Variants in PIP5K1B observed in about 807,000 individuals in gnomAD.
PIP5K1B encodes phosphatidylinositol-4-phosphate 5-kinase type 1 beta, also known as phosphatidylinositol 4-phosphate 5-kinase type-1 beta.
In PIP5K1B, 42 loss-of-function variants were observed where a neutral mutation model predicts 67.0. The ratio of observed to expected loss-of-function variants is 0.63; its 90% CI spans 0.49 to 0.81. The LOEUF is 0.81. PIP5K1B is among the 30% of genes least tolerant of loss of function. The pLI is 0.00. For synonymous variants in PIP5K1B, 214 were observed against 231.4 expected (o/e 0.92, Z 0.68); for missense variants, 459 against 646.3 (o/e 0.71, Z 3.14).
At chr9:68,951,883 G>A (rs1353942569) in intron 14 of PIP5K1B, among the ~76,000 whole-genome samples, 4 of 152,078 alleles carry the variant, frequency 2.6e-5, no homozygotes, top group Non-Finnish European at 5.9e-5. Context: ...AATTACTTTG[G>A]TTTTTCTAAA....
intron 2 of PIP5K1B, among the ~76,000 whole-genome samples, chr9:68,790,768 C>A (rs888508425): frequency 1.3e-5 from 2 of 152,140 alleles, no homozygotes; most frequent in East Asian, 3.8e-4. Context: ...TATGCATATA[C>A]CTATGTAGGT....
intron 1 of PIP5K1B, among the ~76,000 whole-genome samples, chr9:68,740,246 G>A (rs1031463815): frequency 3.3e-5 from 5 of 152,214 alleles, no homozygotes; most frequent in Admixed American, 6.6e-5. Flanking sequence ...TAGATGTTGC[G>A]TAGCTCCTAA....
chr9:68,987,913 T>C (rs1048751361), intron 14 of PIP5K1B, among the ~76,000 whole-genome samples: 1 of 152,176 alleles, frequency 6.6e-6, no homozygotes, highest in Non-Finnish European at 1.5e-5. Context: ...ATGGGAATTA[T>C]GAGATTACAA....
chr9:68,994,036 A>ATT (rs1830497974), intron 15 of PIP5K1B, among the ~76,000 whole-genome samples: 1 of 93,848 alleles, frequency 1.1e-5, no homozygotes, highest in Non-Finnish European at 2.4e-5. Flanking sequence ...TTTTTTCCTG[A>ATT]ATTTTTTTTT....
intron 14 of PIP5K1B, among the ~76,000 whole-genome samples, chr9:68,988,349 T>C (rs917094225): frequency 1.1e-4 from 16 of 150,620 alleles, no homozygotes; most frequent in African/African-American, 3.9e-4. Flanking sequence ...ATATATTTGA[T>C]ATATATTAAT....
At chr9:68,780,087 CGGCGGCG>C in intron 2 of PIP5K1B, 3 of 1,411,326 alleles carry the variant, frequency 2.1e-6, no homozygotes, top group South Asian at 1.7e-5. Context: ...GCGGCGGCAG[CGGCGGCG>C]GCCCTGGACT....
intron 2 of PIP5K1B, among the ~76,000 whole-genome samples, chr9:68,801,385 G>C (rs12338345): frequency 6.6e-6 from 1 of 152,024 alleles, no homozygotes; most frequent in African/African-American, 2.4e-5. Flanking sequence ...ATTTCTTTCA[G>C]TTGGGCTGAA....
At chr9:68,862,336 G>A (rs1823131209) in intron 4 of PIP5K1B, among the ~76,000 whole-genome samples, 1 of 152,172 alleles carries the variant, frequency 6.6e-6, no homozygotes, top group African/African-American at 2.4e-5. Context: ...AAAAGAATCT[G>A]CGAGCCATCT....
chr9:68,770,522 G>C (rs1264138946), intron 2 of PIP5K1B, among the ~76,000 whole-genome samples: 1 of 152,204 alleles, frequency 6.6e-6, no homozygotes, highest in African/African-American at 2.4e-5. Context: ...CTCAAAAGAA[G>C]TGGACTGGTA....
intron 6 of PIP5K1B, among the ~76,000 whole-genome samples, chr9:68,880,556 A>AACACACACACACAC (rs35017818): frequency 8.4e-6 from 1 of 118,590 alleles, no homozygotes; most frequent in Admixed American, 8.6e-5. Context: ...CTGCATCTGA[A>AACACACACACACAC]ACACACACAC....
chr9:68,707,571 T>C (rs542080668), intron 1 of PIP5K1B: 1 of 152,366 alleles, frequency 6.6e-6, no homozygotes, highest in East Asian at 1.9e-4. Flanking sequence ...GTCTGCATAG[T>C]CTCACTGTAA....
In PIP5K1B at chr9:68,822,648, C is replaced by T; in HGVS notation, c.34C>T (p.Pro12Ser). The T allele has an allele frequency of 6.2e-7, 1 of 1,613,192 alleles. No individual in the cohort carries two copies. The highest frequency in any genetic ancestry group is 8.5e-7 in the Non-Finnish European group (1 of 1,179,506). The change falls in exon 4 of 16, where the codon CCT becomes TCT. Residue 12 changes from proline to serine, a missense_variant. By Grantham distance (74) the Pro-to-Ser change is moderately conservative. Coordinates refer to ENST00000265382, the MANE Select transcript of PIP5K1B (RefSeq NM_003558.4). ...SSAAENGEAA[P>S]GKQNEEKTYK... Reference sequence around the variant, plus strand: ...TGCTGCTGAAAATGGAGAGGCAGCACCTGGAAAACAAAATGAAGAAAAAAC... The same window carrying T: ...TGCTGCTGAAAATGGAGAGGCAGCATCTGGAAAACAAAATGAAGAAAAAAC...
chr9:68,774,571 T>C (rs1256775240), intron 2 of PIP5K1B, among the ~76,000 whole-genome samples: 1 of 152,208 alleles, frequency 6.6e-6, no homozygotes, highest in Non-Finnish European at 1.5e-5. Context: ...TTTCAAATAG[T>C]TTGATAATGT....
intron 12 of PIP5K1B, among the ~76,000 whole-genome samples, chr9:68,924,110 TAAAAA>T (rs71500336): frequency 1.6e-5 from 2 of 125,852 alleles, no homozygotes; most frequent in African/African-American, 5.9e-5. Context: ...CTCTTACCTT[TAAAAA>T]AAAAAAAAAA....
chr9:68,780,100 G>A (rs1308965772), intron 2 of PIP5K1B: 6 of 1,470,746 alleles, frequency 4.1e-6, no homozygotes, highest in South Asian at 1.5e-5. Context: ...CGGCGGCCCT[G>A]GACTGCGGGG....
chr9:68,796,686 G>T (rs1832313055), intron 2 of PIP5K1B, among the ~76,000 whole-genome samples: 1 of 152,162 alleles, frequency 6.6e-6, no homozygotes, highest in Admixed American at 6.5e-5. Flanking sequence ...GAGGTTGCCA[G>T]GAAGTCAGTG....
At chr9:68,833,284 C>T (rs146880229) in intron 4 of PIP5K1B, among the ~76,000 whole-genome samples, 1 of 152,294 alleles carries the variant, frequency 6.6e-6, no homozygotes, top group Non-Finnish European at 1.5e-5. Context: ...GCTGGGATCG[C>T]GAGTGTGTGA....
rs528393119 is a variant in PIP5K1B at position 68,987,548 on chromosome 9, C to T, written c.1503-3592C>T. Among the ~76,000 whole-genome samples, 25 of 152,200 alleles carry T rather than the reference C, an allele frequency of 1.6e-4. No individual in the cohort carries two copies. In the East Asian group the frequency reaches 2.7e-3, roughly 16 times the overall value. On this transcript the variant is annotated intron_variant, in intron 14 of 15. Coordinates refer to ENST00000265382, the MANE Select transcript of PIP5K1B (RefSeq NM_003558.4). ...TTGCACTCTAGCCTGGGCAACAGAG[C>T]GAGACTCCATCTCAAAATAAATAAA...
chr9:68,735,968 G>A (rs1365874033), intron 1 of PIP5K1B, among the ~76,000 whole-genome samples: 1 of 152,170 alleles, frequency 6.6e-6, no homozygotes, highest in African/African-American at 2.4e-5. Flanking sequence ...ACAGCAGGTT[G>A]GTCCATGAGC....
Sources: allele counts gnomAD v4.1 joint callset (sites outside exome capture counted in the v4.1 genomes callset), GRCh38; gene constraint gnomAD v4.1.1; transcripts MANE v1.5; gene names NCBI Gene and HGNC (gene_info 2026-07-23, HGNC 2026-07-21).